ST8SIA4: variants seen among roughly 807,000 people sequenced by gnomAD.
ST8SIA4 encodes the protein ST8 alpha-N-acetyl-neuraminide alpha-2,8-sialyltransferase 4.
Under a neutral mutation model 33.9 loss-of-function variants are expected in ST8SIA4, and 15 were observed. That is an observed-to-expected ratio of 0.44 (90% CI 0.30 to 0.68). The LOEUF is 0.68. Among genes scored for constraint, ST8SIA4 ranks in the 30% least tolerant of loss-of-function variants. The pLI is 0.10. For missense variants in ST8SIA4, 321 were observed against 428.0 expected, an observed-to-expected ratio of 0.75 and a Z score of 2.21; for synonymous variants, 171 against 151.2, an observed-to-expected ratio of 1.13 and a Z score of -0.96.
chr5:100,849,246 T>C, intron 4 of ST8SIA4: 4 of 985,232 alleles, frequency 4.1e-6, no homozygotes, highest in Non-Finnish European at 3.6e-6. Flanking sequence ...AAGGAATCTA[T>C]ACGATTATAT....
At chr5:100,901,056 C>T (rs1388550008) in intron 1 of ST8SIA4, among the ~76,000 whole-genome samples, 2 of 152,258 alleles carry the variant, frequency 1.3e-5, no homozygotes, top group East Asian at 1.9e-4. Flanking sequence ...TCTTCCTTAA[C>T]GCCTAGGGCT....
chr5:100,833,953 C>T (rs749773414), intron 4 of ST8SIA4, among the ~76,000 whole-genome samples: 1 of 151,990 alleles, frequency 6.6e-6, no homozygotes, highest in Non-Finnish European at 1.5e-5. Context: ...ATGTGCATCC[C>T]AGATATAGCA....
intron 3 of ST8SIA4, 124 bp from the exon 4 acceptor site, chr5:100,856,520 G>C (rs1580465314): frequency 1.2e-5 from 11 of 880,632 alleles, no homozygotes; most frequent in Non-Finnish European, 1.6e-5. Flanking sequence ...AAAACCAAAA[G>C]ATCATCTACT....
chr5:100,852,371 C>T (rs1751722951), intron 4 of ST8SIA4, among the ~76,000 whole-genome samples: 1 of 151,680 alleles, frequency 6.6e-6, no homozygotes, highest in Non-Finnish European at 1.5e-5. Flanking sequence ...ATCCACGCAC[C>T]TTGGCCTCCC....
intron 4 of ST8SIA4, among the ~76,000 whole-genome samples, chr5:100,851,457 G>C (rs965930589): frequency 3.3e-5 from 5 of 151,598 alleles, no homozygotes; most frequent in Non-Finnish European, 7.4e-5. Context: ...AAACAAGATT[G>C]GTTAAATACA....
At chr5:100,901,642 C>T (rs1752918847) in intron 1 of ST8SIA4, among the ~76,000 whole-genome samples, 1 of 152,160 alleles carries the variant, frequency 6.6e-6, no homozygotes, top group Admixed American at 6.6e-5. Context: ...CATTCCAGCC[C>T]ATTCCTTGCT....
At chr5:100,813,059 T>C (rs1324413221) in intron 4 of ST8SIA4, among the ~76,000 whole-genome samples, 1 of 152,114 alleles carries the variant, frequency 6.6e-6, no homozygotes, top group Non-Finnish European at 1.5e-5. Flanking sequence ...TGGAGAGATA[T>C]GTGCTCTGCC....
intron 3 of ST8SIA4, among the ~76,000 whole-genome samples, chr5:100,879,232 T>G (rs1752368488): frequency 6.6e-6 from 1 of 152,176 alleles, no homozygotes; most frequent in South Asian, 2.1e-4. Context: ...GCTGCTAAAA[T>G]ATCAAGAGAC....
At chr5:100,864,491 C>T (rs969628185) in intron 3 of ST8SIA4, among the ~76,000 whole-genome samples, 22 of 141,018 alleles carry the variant, frequency 1.6e-4, no homozygotes, top group African/African-American at 5.9e-4. Context: ...AGGAGAATGG[C>T]GTGAACCTGG....
intron 4 of ST8SIA4, among the ~76,000 whole-genome samples, chr5:100,818,716 T>C (rs1287933662): frequency 6.6e-6 from 1 of 152,186 alleles, no homozygotes; most frequent in Non-Finnish European, 1.5e-5. Flanking sequence ...ACAGAAGCTC[T>C]TCATAGTATA....
At chr5:100,854,500 G>A (rs181241714) in intron 4 of ST8SIA4, among the ~76,000 whole-genome samples, 393 of 152,074 alleles carry the variant, frequency 2.6e-3, no homozygotes, top group Non-Finnish European at 3.8e-3. Context: ...GGAGAACGGC[G>A]TGAACCCAGG....
At chr5:100,813,007 A>C (rs1045490870) in intron 4 of ST8SIA4, among the ~76,000 whole-genome samples, 1 of 152,062 alleles carries the variant, frequency 6.6e-6, no homozygotes, top group African/African-American at 2.4e-5. Context: ...ACAAAAACTT[A>C]ATAAGTTTAA....
chr5:100,896,287 G>A (rs2112483566), intron 1 of ST8SIA4, among the ~76,000 whole-genome samples: 1 of 152,144 alleles, frequency 6.6e-6, no homozygotes, highest in Middle Eastern at 3.4e-3. Context: ...GCAAAATCCT[G>A]CCATTTGTGC....
chr5:100,890,515 C>A (rs752985096), intron 2 of ST8SIA4: 1 of 151,780 alleles, frequency 6.6e-6, no homozygotes, highest in African/African-American at 2.4e-5. Context: ...TTAATATCTG[C>A]GCTCTATCTA....
In ST8SIA4 at chr5:100,808,668, G is replaced by A. The variant is rs1285246376; in HGVS notation, c.*3179C>T. 2 of 152,580 alleles carry A rather than the reference G, an allele frequency of 1.3e-5. No homozygotes were observed. Among genetic ancestry groups the A allele is most frequent in the Non-Finnish European group, 2.9e-5 (2 of 68,014 alleles). 9.5% of individuals were successfully genotyped at this position (152,580 alleles called of 1,614,324 possible). On this transcript the variant is annotated 3_prime_UTR_variant, in exon 5 of 5. Transcript: ENST00000231461. The stretch of plus-strand genomic sequence containing the variant: ...AAAGAAAAAGCTCCACCTATTTCAA[G>A]TATGCTTTTATAATTTGATTTTGTC...
intron 2 of ST8SIA4, among the ~76,000 whole-genome samples, chr5:100,895,435 T>A (rs1174669405): frequency 6.6e-6 from 1 of 152,184 alleles, no homozygotes; most frequent in South Asian, 2.1e-4. Context: ...GACAATATAT[T>A]CAAAACTCAC....
chr5:100,880,960 CAT>C (rs1410045386), intron 3 of ST8SIA4, among the ~76,000 whole-genome samples: 1 of 152,146 alleles, frequency 6.6e-6, no homozygotes, highest in Non-Finnish European at 1.5e-5. Flanking sequence ...ACATAAAACA[CAT>C]ATATCTACAT....
rs560653975 is a variant in ST8SIA4 at position 100,842,176 on chromosome 5, A to G, written c.797+13927T>C. On this transcript the variant is annotated intron_variant, in intron 4 of 4. Coordinates refer to ENST00000231461, the MANE Select transcript of ST8SIA4 (RefSeq NM_005668.6). Reference sequence around the variant, plus strand: ...TCTGATAGGAATTTGCAATTTGTACATTACTAAAATATTTGTATTTATATA... The same window carrying G: ...TCTGATAGGAATTTGCAATTTGTACGTTACTAAAATATTTGTATTTATATA... 1.3e-4 allele frequency among the ~76,000 whole-genome samples: 20 copies of G among 152,032 alleles called. No individual in the cohort carries two copies. The South Asian group carries it at 3.3e-3, about 25-fold the overall frequency.
chr5:100,893,319 C>A (rs934449550), intron 2 of ST8SIA4, among the ~76,000 whole-genome samples: 1 of 152,136 alleles, frequency 6.6e-6, no homozygotes, highest in Non-Finnish European at 1.5e-5. Flanking sequence ...TTTATGAACT[C>A]TTTGCACATT....
Sources: gnomAD v4.1 joint callset for allele counts (sites outside exome capture counted in the v4.1 genomes callset) on GRCh38, gnomAD v4.1.1 for gene constraint, MANE v1.5 for transcripts, NCBI Gene and HGNC (gene_info 2026-07-23, HGNC 2026-07-21) for gene names.